The following CDH12 variants were observed in gnomAD, a reference collection of about 807,000 sequenced individuals.
CDH12 encodes the protein cadherin-12.
CDH12 carries 41 observed loss-of-function variants against 74.1 expected under a neutral mutation model. That is an observed-to-expected ratio of 0.55 (90% CI 0.43 to 0.72). CDH12 has a LOEUF of 0.72. Ranked by LOEUF, CDH12 falls within the 30% of genes least tolerant of loss-of-function variation. The pLI is 0.00. For synonymous variants in CDH12, 399 were observed against 355.0 expected (o/e 1.12, Z -1.39); for missense variants, 945 against 977.2 (o/e 0.97, Z 0.44).
chr5:22,672,763 A>G (rs1275911030), intron 1 of CDH12, among the ~76,000 whole-genome samples: 1 of 152,222 alleles, frequency 6.6e-6, no homozygotes, highest in African/African-American at 2.4e-5. Context: ...GAAATGATCC[A>G]ATCAAAGTCA....
rs530412833 is a variant in CDH12, at chr5:22,317,161, T to C, written c.-333+88096A>G. ...GGTGAAACCCCGTCTCTACTAAAAATACAGAAATTATTCAGGTGTACTGGC... is the reference window on the plus strand; with the variant it reads ...GGTGAAACCCCGTCTCTACTAAAAACACAGAAATTATTCAGGTGTACTGGC... On this transcript the variant is annotated intron_variant, in intron 3 of 14. Transcript: ENST00000382254. Among the ~76,000 whole-genome samples the C allele has an allele frequency of 1.8e-3, 279 of 152,104 alleles. 2 individuals carry two copies. The highest frequency in any genetic ancestry group is 3.4e-3 in the Middle Eastern group (1 of 294).
chr5:22,705,130 T>TATATATATACAC (rs752782183), intron 1 of CDH12, among the ~76,000 whole-genome samples: 2,019 of 125,538 alleles, frequency 0.016, 20 homozygotes, highest in African/African-American at 0.027. Flanking sequence ...TATATATATA[T>TATATATATACAC]ACACACACAC....
At chr5:22,544,107 C>T (rs1284789303) in intron 1 of CDH12, among the ~76,000 whole-genome samples, 1 of 152,068 alleles carries the variant, frequency 6.6e-6, no homozygotes, top group African/African-American at 2.4e-5. Flanking sequence ...AGCCTTTCAT[C>T]CAGCCAGGAT....
chr5:21,755,691 A>G lies in CDH12; in HGVS notation c.1785T>C (p.Asp595=), dbSNP rs760154638. ...MTIRVCRCDS[D]GTILSCNVEA... is the part of the protein sequence containing the mutation. ...CCACATTACAAGACAGGATGGTGCC[A>G]TCAGAGTCACATCTACAGACTCGAA... The change falls in exon 14 of 15, where the codon GAT becomes GAC. Residue 595 remains aspartate (D), a synonymous_variant. Coordinates refer to ENST00000382254, the MANE Select transcript of CDH12 (RefSeq NM_004061.5). 1.9e-6 allele frequency: 3 copies of G among 1,614,164 alleles called. No homozygotes were observed. The highest frequency in any genetic ancestry group is 2.2e-5 in the East Asian group (1 of 44,866).
At chr5:21,775,262 A>G (rs572251651) in intron 11 of CDH12, among the ~76,000 whole-genome samples, 173 of 152,334 alleles carry the variant, frequency 1.1e-3, no homozygotes, top group African/African-American at 3.5e-3. Flanking sequence ...GTTTCTCGTA[A>G]GGTTAACTAT....
chr5:22,804,962 T>C (rs967797966), intron 1 of CDH12, among the ~76,000 whole-genome samples: 8 of 152,286 alleles, frequency 5.3e-5, no homozygotes, highest in African/African-American at 1.9e-4. Context: ...TACTGAACTT[T>C]AAAGGTCACC....
intron 7 of CDH12, among the ~76,000 whole-genome samples, chr5:21,849,555 C>T (rs971600807): frequency 5.9e-5 from 9 of 151,678 alleles, no homozygotes; most frequent in Non-Finnish European, 4.4e-5. Context: ...GATTTCCTTG[C>T]CTTTGCTATC....
At chr5:22,246,615 A>G (rs1429658809) in intron 3 of CDH12, among the ~76,000 whole-genome samples, 1 of 152,180 alleles carries the variant, frequency 6.6e-6, no homozygotes, top group African/African-American at 2.4e-5. Flanking sequence ...TAAAGATTCA[A>G]CATTTAGTTC....
intron 1 of CDH12, among the ~76,000 whole-genome samples, chr5:22,808,267 T>C (rs1748922660): frequency 6.6e-6 from 1 of 152,186 alleles, no homozygotes; most frequent in East Asian, 1.9e-4. Flanking sequence ...ATGATCACAA[T>C]TAGATCAGTG....
chr5:22,760,470 G>A (rs926564690), intron 1 of CDH12, among the ~76,000 whole-genome samples: 13 of 152,040 alleles, frequency 8.6e-5, no homozygotes, highest in Non-Finnish European at 1.6e-4. Flanking sequence ...CAAAAGGTCA[G>A]GAGTTCGAGA....
At chr5:22,252,356 C>T (rs1407093728) in intron 3 of CDH12, among the ~76,000 whole-genome samples, 1 of 151,364 alleles carries the variant, frequency 6.6e-6, no homozygotes, top group East Asian at 1.9e-4. Context: ...GTGTTTGTGA[C>T]ATCATTATGG....
At position 21,814,957 on chromosome 5, in the gene CDH12, T is replaced by G. The variant is rs552280288; in HGVS notation, c.1002+1988A>C. Among the ~76,000 whole-genome samples, 11 of 152,082 alleles carry G rather than the reference T, an allele frequency of 7.2e-5. No individual in the cohort carries two copies. In the East Asian group the frequency reaches 2.1e-3, roughly 29 times the overall value. On this transcript the variant is annotated intron_variant, in intron 9 of 14. Coordinates refer to ENST00000382254, the MANE Select transcript of CDH12 (RefSeq NM_004061.5). ...CTAAATAACAATGAAGGAGTAAAGTTGATAAGAATTTGACATATTTTTCTA... is the reference window on the plus strand; with the variant it reads ...CTAAATAACAATGAAGGAGTAAAGTGGATAAGAATTTGACATATTTTTCTA...
intron 4 of CDH12, among the ~76,000 whole-genome samples, chr5:22,170,433 T>C (rs1439430027): frequency 2.6e-5 from 4 of 151,712 alleles, no homozygotes; most frequent in Non-Finnish European, 4.4e-5. Context: ...CTAACAACAA[T>C]CCTAAATTGT....
chr5:22,164,251 G>C (rs1234609957), intron 4 of CDH12, among the ~76,000 whole-genome samples: 2 of 152,138 alleles, frequency 1.3e-5, no homozygotes, highest in Admixed American at 6.5e-5. Context: ...GGAATCTTGG[G>C]CCATGCAGTG....
At chr5:22,189,875 G>A (rs1750171654) in intron 4 of CDH12, among the ~76,000 whole-genome samples, 1 of 152,036 alleles carries the variant, frequency 6.6e-6, no homozygotes, top group South Asian at 2.1e-4. Flanking sequence ...CCAGCCCCGT[G>A]GGCTGCATTT....
At chr5:22,147,909 T>C (rs1191068053) in intron 4 of CDH12, among the ~76,000 whole-genome samples, 4 of 152,190 alleles carry the variant, frequency 2.6e-5, no homozygotes, top group African/African-American at 9.7e-5. Flanking sequence ...CATTATCAGA[T>C]ATCATATTCA....
At chr5:22,380,550 T>G (rs1391367653) in intron 3 of CDH12, among the ~76,000 whole-genome samples, 1 of 151,512 alleles carries the variant, frequency 6.6e-6, no homozygotes, top group African/African-American at 2.4e-5. Context: ...AAAAAAAAAC[T>G]ACTATGTACT....
intron 6 of CDH12, among the ~76,000 whole-genome samples, chr5:21,928,552 T>C (rs1579976293): frequency 1.3e-5 from 2 of 152,346 alleles, no homozygotes; most frequent in East Asian, 3.9e-4. Flanking sequence ...GGATGAGCGA[T>C]GGAAACAGAA....
chr5:21,866,975 G>A (rs1294308706), intron 6 of CDH12, among the ~76,000 whole-genome samples: 4 of 152,152 alleles, frequency 2.6e-5, no homozygotes, highest in Admixed American at 2.6e-4. Flanking sequence ...CCAATGTACA[G>A]CTCTGGGCCA....
Sources: gnomAD v4.1 joint callset for allele counts (sites outside exome capture counted in the v4.1 genomes callset) on GRCh38, gnomAD v4.1.1 for gene constraint, MANE v1.5 for transcripts, NCBI Gene and HGNC (gene_info 2026-07-23, HGNC 2026-07-21) for gene names.